WDR49: variants seen among roughly 807,000 people sequenced by gnomAD.
WDR49 encodes cilia- and flagella-associated protein 337.
A neutral mutation model predicts 119.5 loss-of-function variants in WDR49; 107 were observed. That is an observed-to-expected ratio of 0.90 (90% CI 0.77 to 1.05). WDR49 has a LOEUF of 1.05. WDR49 is among the 50% of genes least tolerant of loss of function. WDR49 has a pLI of 0.00. For missense variants in WDR49, 1,240 were observed against 1,220.5 expected, an observed-to-expected ratio of 1.02 and a Z score of -0.24; for synonymous variants, 425 against 418.8, an observed-to-expected ratio of 1.01 and a Z score of -0.18.
chr3:167,584,632 T>C (rs934055669), intron 7 of WDR49, among the ~76,000 whole-genome samples: 6 of 152,066 alleles, frequency 3.9e-5, no homozygotes, highest in Admixed American at 3.9e-4. Flanking sequence ...AACAAATTCA[T>C]GTATATTTAG....
At chr3:167,583,520 C>A (rs1016677582) in intron 7 of WDR49, among the ~76,000 whole-genome samples, 6 of 152,034 alleles carry the variant, frequency 3.9e-5, no homozygotes, top group African/African-American at 1.5e-4. Context: ...CATACAAAGA[C>A]CCTGTCTCTA....
At chr3:167,492,917 G>A (rs1353547114) in intron 18 of WDR49, among the ~76,000 whole-genome samples, 1 of 151,652 alleles carries the variant, frequency 6.6e-6, no homozygotes, top group East Asian at 1.9e-4. Flanking sequence ...GACCAGGAGT[G>A]GAGAACAAGC....
In WDR49 at chr3:167,611,652, C is replaced by T. The variant is rs549401359; in HGVS notation, c.959-7184G>A. Among the ~76,000 whole-genome samples the T allele has an allele frequency of 2.4e-4, 37 of 152,074 alleles. No individual in the cohort carries two copies. In the South Asian group the frequency reaches 6.6e-3, roughly 27 times the overall value. On this transcript the variant is annotated intron_variant, in intron 5 of 18. Transcript: ENST00000682715. Reference sequence around the variant, plus strand: ...TAAAAGGGATGAAAAAGATATCCCACGCCAATGAAAACCAAAAAAGAGTAG... The same window carrying T: ...TAAAAGGGATGAAAAAGATATCCCATGCCAATGAAAACCAAAAAAGAGTAG...
intron 18 of WDR49, among the ~76,000 whole-genome samples, chr3:167,483,954 T>C (rs554131705): frequency 1.1e-4 from 17 of 152,248 alleles, no homozygotes; most frequent in Admixed American, 5.2e-4. Context: ...TCACTATTCA[T>C]AGTAACATCT....
intron 11 of WDR49, among the ~76,000 whole-genome samples, chr3:167,533,274 A>T (rs1455867527): frequency 6.6e-6 from 1 of 152,086 alleles, no homozygotes; most frequent in Non-Finnish European, 1.5e-5. Flanking sequence ...CTGGAGCTTG[A>T]GTCTTGGTTC....
chr3:167,528,829 GACTT>G (rs1752736436), intron 14 of WDR49, among the ~76,000 whole-genome samples: 1 of 152,074 alleles, frequency 6.6e-6, no homozygotes, highest in African/African-American at 2.4e-5. Flanking sequence ...TAAATTGGAT[GACTT>G]ACTTAACAGA....
intron 8 of WDR49, among the ~76,000 whole-genome samples, chr3:167,563,967 G>T (rs73878752): frequency 0.079 from 11,972 of 152,220 alleles, 1,093 homozygotes; most frequent in African/African-American, 0.22. Context: ...CATGTTCAAA[G>T]AAAAGACTTG....
chr3:167,581,312 T>C lies in WDR49; in HGVS notation c.1276-5161A>G, dbSNP rs564540570. ...CACAATAGACCTAGAAATCAATGGA[T>C]TGAGACTCCAGACACCCAATCCTAG... On this transcript the variant is annotated intron_variant, in intron 7 of 18. Coordinates refer to ENST00000682715, the MANE Select transcript of WDR49 (RefSeq NM_001366157.1). Among the ~76,000 whole-genome samples the C allele has an allele frequency of 9.2e-5, 14 of 152,246 alleles. No individual in the cohort carries two copies. In the South Asian group the frequency reaches 2.7e-3, roughly 29 times the overall value.
intron 16 of WDR49, among the ~76,000 whole-genome samples, chr3:167,518,972 A>T (rs1477989527): frequency 6.6e-6 from 1 of 151,934 alleles, no homozygotes; most frequent in Non-Finnish European, 1.5e-5. Context: ...AAAGACATAA[A>T]CTGACACTTC....
At chr3:167,532,588 G>GA (rs997124918) in intron 12 of WDR49, among the ~76,000 whole-genome samples, 6 of 151,704 alleles carry the variant, frequency 4.0e-5, no homozygotes, top group Admixed American at 1.3e-4. Flanking sequence ...AAGGTTTATT[G>GA]AAAAAAAATA....
chr3:167,594,557 T>C (rs1054399707), intron 7 of WDR49, among the ~76,000 whole-genome samples: 1 of 152,164 alleles, frequency 6.6e-6, no homozygotes, highest in Non-Finnish European at 1.5e-5. Context: ...AAAGAGATAG[T>C]CTGAAGTTGG....
In WDR49 at chr3:167,529,240, C is replaced by G; in HGVS notation, c.2219-1G>C. On this transcript the variant is annotated splice_acceptor_variant, in intron 13 of 18. Coordinates refer to ENST00000682715, the MANE Select transcript of WDR49 (RefSeq NM_001366157.1). LOFTEE classifies it high-confidence loss of function. ...CCACATGATACCAGGTTAGCTCCTC[C>G]TAACATGTAAGGGAAAAATCTAACT... 6.4e-7 allele frequency: 1 copy of G among 1,570,068 alleles called. No homozygotes were observed. The highest frequency in any genetic ancestry group is 8.6e-7 in the Non-Finnish European group (1 of 1,164,460).
chr3:167,509,504 A>G (rs1281823947), intron 16 of WDR49, among the ~76,000 whole-genome samples: 2 of 152,222 alleles, frequency 1.3e-5, no homozygotes, highest in African/African-American at 4.8e-5. Context: ...CAAAAACTTT[A>G]GTTTAAAGCA....
In WDR49 at chr3:167,621,496, T is replaced by C. The variant is rs1330140655; in HGVS notation, c.754A>G (p.Ile252Val). Residue 252 changes from isoleucine (I) to valine (V), a missense_variant, in exon 4 of 19, where the codon ATT (isoleucine) becomes GTT (valine). Transcript: ENST00000682715. ...WYDPLDANESILSFGDITGKV... is the reference protein window; with the variant it reads ...WYDPLDANESVLSFGDITGKV... ...CCAGTTATATCCCCAAAAGAAAGAA[T>C]TGATTCATTGGCATCAAGAGGATCA... is the stretch of plus-strand genomic sequence containing the variant. 5 of 1,534,312 alleles carry C rather than the reference T, an allele frequency of 3.3e-6. No homozygotes were observed. The highest frequency in any genetic ancestry group is 4.4e-6 in the Non-Finnish European group (5 of 1,145,960).
At chr3:167,575,184 C>G (rs1714168262) in intron 8 of WDR49, 48 of 985,406 alleles carry the variant, frequency 4.9e-5, no homozygotes, top group Non-Finnish European at 5.8e-5. Context: ...ATCACTGCAG[C>G]AGGCTAACCT....
At chr3:167,553,496 A>G (rs1298185896) in intron 10 of WDR49, among the ~76,000 whole-genome samples, 1 of 152,188 alleles carries the variant, frequency 6.6e-6, no homozygotes, top group Non-Finnish European at 1.5e-5. Context: ...ATCTAAAAAT[A>G]AATTAAGGAA....
At chr3:167,645,466 C>T (rs568653419) in intron 2 of WDR49, among the ~76,000 whole-genome samples, 2 of 152,232 alleles carry the variant, frequency 1.3e-5, no homozygotes, top group South Asian at 4.1e-4. Context: ...CCGCCTTGGC[C>T]TCCCAAAGTT....
At chr3:167,574,307 TTACTC>T (rs1188718598) in intron 8 of WDR49, among the ~76,000 whole-genome samples, 4 of 152,240 alleles carry the variant, frequency 2.6e-5, no homozygotes, top group Admixed American at 6.5e-5. Context: ...CTTTGTCTAA[TTACTC>T]TAAAATGATA....
chr3:167,632,249 T>G (rs998282999), intron 2 of WDR49, among the ~76,000 whole-genome samples: 11 of 152,100 alleles, frequency 7.2e-5, no homozygotes, highest in Non-Finnish European at 1.2e-4. Flanking sequence ...AAGAAACTAC[T>G]CGGACAAATA....
Sources: gnomAD v4.1 joint callset for allele counts (sites outside exome capture counted in the v4.1 genomes callset) on GRCh38, gnomAD v4.1.1 for gene constraint, MANE v1.5 for transcripts, NCBI Gene and HGNC (gene_info 2026-07-23, HGNC 2026-07-21) for gene names.